FYB1: variants seen among roughly 807,000 people sequenced by gnomAD.
FYB1 encodes the protein FYN binding protein 1.
A neutral mutation model predicts 94.1 loss-of-function variants in FYB1; 41 were observed. That is an observed-to-expected ratio of 0.44 (90% CI 0.34 to 0.57). The LOEUF (loss-of-function observed/expected upper bound fraction) is 0.57, where lower values mean the gene tolerates loss of function less well. Among genes scored for constraint, FYB1 ranks in the 20% least tolerant of loss-of-function variants. The pLI, the probability that FYB1 is intolerant of heterozygous loss-of-function variation, is 0.02. For missense variants in FYB1, 1,050 were observed against 976.8 expected (o/e 1.07, Z -1.00); for synonymous variants, 367 against 353.2 (o/e 1.04, Z -0.44).
chr5:39,204,278 T>A (rs1451067685), intron 1 of FYB1, among the ~76,000 whole-genome samples: 1 of 152,194 alleles, frequency 6.6e-6, no homozygotes, highest in African/African-American at 2.4e-5. Context: ...TTGTTCTATA[T>A]CATCCCGTCT....
At chr5:39,167,870 A>G (rs777328805) in intron 2 of FYB1, among the ~76,000 whole-genome samples, 45 of 152,172 alleles carry the variant, frequency 3.0e-4, no homozygotes, top group Admixed American at 9.2e-4. Flanking sequence ...TCACTTTTTA[A>G]TTTCATTAGC....
intron 2 of FYB1, among the ~76,000 whole-genome samples, chr5:39,182,349 G>A (rs1746340540): frequency 1.4e-5 from 2 of 145,280 alleles, no homozygotes; most frequent in Admixed American, 1.4e-4. Context: ...GTGTGTGTAT[G>A]TGGTCAAGTA....
In FYB1 at chr5:39,148,381, GTTTTTTTTTTTTT is replaced by G. The variant is rs538508812; in HGVS notation, c.1292+5054_1292+5066del. 5.3e-3 allele frequency among the ~76,000 whole-genome samples: 203 copies of G among 38,158 alleles called. 4 individuals are homozygous for G. The highest frequency in any genetic ancestry group is 5.1e-3 in the Non-Finnish European group (86 of 16,706). The allele number at this position is 38,158 out of a possible 152,430, so 25.0% of individuals were successfully genotyped here. A position where few individuals can be genotyped will look rare whatever the true frequency, so the allele number is the denominator to read the frequency against. ...GCATTTAGCTTTTAATTATCAGCAGGTTTTTTTTTTTTTTTTTTTTTTTTTTTTTTTTTTTTTA... is the reference window on the plus strand; with the variant it reads ...GCATTTAGCTTTTAATTATCAGCAGGTTTTTTTTTTTTTTTTTTTTTTTTA... On this transcript the variant is annotated intron_variant, in intron 3 of 18. Coordinates refer to ENST00000512982, the MANE Select transcript of FYB1 (RefSeq NM_001465.6).
chr5:39,252,670 C>T (rs1211882381), intron 1 of FYB1, among the ~76,000 whole-genome samples: 1 of 151,902 alleles, frequency 6.6e-6, no homozygotes, highest in Non-Finnish European at 1.5e-5. Context: ...TATGAAACAG[C>T]AAGTTCTCTT....
chr5:39,156,745 CTTACT>C (rs967591024), intron 2 of FYB1, among the ~76,000 whole-genome samples: 2 of 152,146 alleles, frequency 1.3e-5, no homozygotes, highest in Non-Finnish European at 2.9e-5. Context: ...ACCAGTTAGA[CTTACT>C]TTAATGTCTA....
rs182344834 is a variant in FYB1, at chr5:39,208,871, G to A, written c.-27-5884C>T. The A allele has an allele frequency of 4.6e-5, 7 of 152,312 alleles. No individual in the cohort carries two copies. Among genetic ancestry groups the A allele is most frequent in the Admixed American group, 4.6e-4 (7 of 15,300 alleles). 9.4% of individuals were successfully genotyped at this position (152,312 alleles called of 1,614,324 possible). Reference sequence around the variant, plus strand: ...TAAGCTGGAGAAACTTACCATCCTTGAGGCAGGAAGCACACTGGCAAAAAT... The same window carrying A: ...TAAGCTGGAGAAACTTACCATCCTTAAGGCAGGAAGCACACTGGCAAAAAT... On this transcript the variant is annotated intron_variant, in intron 1 of 18. Transcript: ENST00000512982.
intron 1 of FYB1, among the ~76,000 whole-genome samples, chr5:39,256,296 G>A (rs562804316): frequency 6.6e-6 from 1 of 152,194 alleles, no homozygotes; most frequent in South Asian, 2.1e-4. Context: ...TCATTTCCCA[G>A]GAATGTGTTT....
intron 17 of FYB1, among the ~76,000 whole-genome samples, chr5:39,109,390 A>G (rs577359810): frequency 2.0e-5 from 3 of 152,214 alleles, no homozygotes; most frequent in African/African-American, 4.8e-5. Context: ...AATTCTCTCA[A>G]TCAGCCTGTA....
intron 4 of FYB1, chr5:39,139,624 T>C (rs1406719832): frequency 6.5e-6 from 1 of 154,822 alleles, no homozygotes; most frequent in Non-Finnish European, 1.4e-5. Context: ...TCCCAAGGAT[T>C]TGTTTTTATG....
At chr5:39,241,884 TTTG>T (rs1751225736) in intron 1 of FYB1, among the ~76,000 whole-genome samples, 1 of 152,138 alleles carries the variant, frequency 6.6e-6, no homozygotes, top group African/African-American at 2.4e-5. Context: ...GTTCATAGAA[TTTG>T]TTATTTAAGG....
chr5:39,126,167 A>G (rs570806148), intron 11 of FYB1, 32 bp from the exon 12 acceptor site: 1 of 1,604,928 alleles, frequency 6.2e-7, no homozygotes, highest in African/African-American at 1.3e-5. Context: ...ATCAGAATGT[A>G]ATAATCAGCG....
chr5:39,205,079 C>A (rs1255467863), intron 1 of FYB1, among the ~76,000 whole-genome samples: 10 of 151,980 alleles, frequency 6.6e-5, no homozygotes, highest in Non-Finnish European at 2.9e-5. Context: ...TGCAGAGGAC[C>A]CCAAACGTCA....
chr5:39,269,417 G>C (rs886840330), intron 1 of FYB1, among the ~76,000 whole-genome samples: 5 of 152,214 alleles, frequency 3.3e-5, no homozygotes, highest in African/African-American at 1.2e-4. Flanking sequence ...GGATTTATAA[G>C]TCTCACTCCC....
intron 2 of FYB1, among the ~76,000 whole-genome samples, chr5:39,178,961 C>T (rs190623112): frequency 2.8e-4 from 42 of 152,258 alleles, no homozygotes; most frequent in African/African-American, 9.6e-4. Context: ...TGGCTTTCCG[C>T]GGGCTGGGGC....
chr5:39,227,611 G>C (rs1413231869), intron 1 of FYB1, among the ~76,000 whole-genome samples: 1 of 152,230 alleles, frequency 6.6e-6, no homozygotes, highest in Admixed American at 6.5e-5. Flanking sequence ...AAACACTAAA[G>C]TGAATTCATG....
intron 4 of FYB1, chr5:39,139,794 A>G (rs1742004699): frequency 6.6e-6 from 1 of 152,322 alleles, no homozygotes; most frequent in East Asian, 1.9e-4. Flanking sequence ...AGAACAGGCA[A>G]ATAGACCAAT....
At chr5:39,193,739 A>T (rs1240813087) in intron 2 of FYB1, among the ~76,000 whole-genome samples, 1 of 152,178 alleles carries the variant, frequency 6.6e-6, no homozygotes, top group East Asian at 1.9e-4. Flanking sequence ...CAGAAGGGGG[A>T]TGAGCTGCCA....
At chr5:39,241,681 C>T (rs536746508) in intron 1 of FYB1, among the ~76,000 whole-genome samples, 1 of 152,198 alleles carries the variant, frequency 6.6e-6, no homozygotes, top group Non-Finnish European at 1.5e-5. Context: ...TTGGCTGTGT[C>T]CTGCACAACC....
rs1221441023 is a variant in FYB1 at position 39,105,642 on chromosome 5, C to A, written c.*1801G>T. ...TTATCAAGGAGTCCTCAAACTAAAG[C>A]TGGCCAAAAACTTCAGCATAAAAAC... On this transcript the variant is annotated 3_prime_UTR_variant, in exon 19 of 19. Transcript: ENST00000512982. 1 of 152,058 alleles carries A rather than the reference C, an allele frequency of 6.6e-6. No individual in the cohort carries two copies. The highest frequency in any genetic ancestry group is 2.4e-5 in the African/African-American group (1 of 41,400). 9.4% of individuals were successfully genotyped at this position (152,058 alleles called of 1,614,324 possible).
Sources: allele counts gnomAD v4.1 joint callset (sites outside exome capture counted in the v4.1 genomes callset), GRCh38; gene constraint gnomAD v4.1.1; transcripts MANE v1.5; gene names NCBI Gene and HGNC (gene_info 2026-07-23, HGNC 2026-07-21).